The following PRICKLE1 variants were observed in gnomAD, a reference collection of about 807,000 sequenced individuals.
PRICKLE1 encodes the protein prickle-like protein 1.
A neutral mutation model predicts 70.2 loss-of-function variants in PRICKLE1; 14 were observed. That is an observed-to-expected ratio of 0.20 (90% CI 0.13 to 0.31). The LOEUF is 0.31. Among genes scored for constraint, PRICKLE1 ranks in the 10% least tolerant of loss-of-function variants. The pLI is 1.00. For missense variants in PRICKLE1, 821 were observed against 1,026.2 expected (o/e 0.80, Z 2.73); for synonymous variants, 357 against 379.9 (o/e 0.94, Z 0.70).
At chr12:42,502,645 C>T (rs1221941355) in intron 1 of PRICKLE1, among the ~76,000 whole-genome samples, 1 of 152,146 alleles carries the variant, frequency 6.6e-6, no homozygotes, top group African/African-American at 2.4e-5. Flanking sequence ...TTATTCTCTT[C>T]TCCTTTCTAC....
chr12:42,533,456 T>A (rs1451310901), intron 1 of PRICKLE1, among the ~76,000 whole-genome samples: 1 of 152,182 alleles, frequency 6.6e-6, no homozygotes, highest in African/African-American at 2.4e-5. Flanking sequence ...TGAACAAGAC[T>A]TACATTTTGA....
chr12:42,565,459 G>T (rs1248492500), intron 1 of PRICKLE1, among the ~76,000 whole-genome samples: 1 of 152,158 alleles, frequency 6.6e-6, no homozygotes, highest in Non-Finnish European at 1.5e-5. Flanking sequence ...GCCCCAAATT[G>T]GTACTTTTTC....
At chr12:42,507,707 G>C (rs1386396595) in intron 1 of PRICKLE1, among the ~76,000 whole-genome samples, 2 of 152,216 alleles carry the variant, frequency 1.3e-5, no homozygotes, top group African/African-American at 2.4e-5. Context: ...AGGCGGCAGA[G>C]CCTAAATGAT....
At chr12:42,509,648 C>T (rs1269418560) in intron 1 of PRICKLE1, among the ~76,000 whole-genome samples, 1 of 152,130 alleles carries the variant, frequency 6.6e-6, no homozygotes, top group Admixed American at 6.5e-5. Context: ...CCAGCTTGGG[C>T]AACATAGCAA....
chr12:42,493,269 T>C (rs1018345445), intron 1 of PRICKLE1, among the ~76,000 whole-genome samples: 1 of 152,170 alleles, frequency 6.6e-6, no homozygotes, highest in African/African-American at 2.4e-5. Context: ...TGACGGACAC[T>C]CCATTCTCCA....
chr12:42,563,480 A>G (rs2120715748), intron 1 of PRICKLE1, among the ~76,000 whole-genome samples: 1 of 151,722 alleles, frequency 6.6e-6, no homozygotes, highest in South Asian at 2.1e-4. Flanking sequence ...CGGGCAGACC[A>G]CGAGATCAGG....
At chr12:42,567,290 A>C (rs1370949093) in intron 1 of PRICKLE1, among the ~76,000 whole-genome samples, 1 of 152,208 alleles carries the variant, frequency 6.6e-6, no homozygotes, top group African/African-American at 2.4e-5. Context: ...AAAAGTCTAC[A>C]CTGACTCTTT....
chr12:42,471,991 G>A (rs577113455), intron 2 of PRICKLE1, among the ~76,000 whole-genome samples: 1 of 152,312 alleles, frequency 6.6e-6, no homozygotes, highest in South Asian at 2.1e-4. Flanking sequence ...GCATTGCTGA[G>A]AACTGGCATG....
chr12:42,535,986 TA>T (rs1177063022), intron 1 of PRICKLE1, among the ~76,000 whole-genome samples: 2 of 152,184 alleles, frequency 1.3e-5, no homozygotes, highest in African/African-American at 4.8e-5. Context: ...CACAGGCTGG[TA>T]CACTCACATC....
At chr12:42,566,394 A>G (rs1940621395) in intron 1 of PRICKLE1, among the ~76,000 whole-genome samples, 1 of 152,138 alleles carries the variant, frequency 6.6e-6, no homozygotes, top group Admixed American at 6.5e-5. Context: ...AGAGGGTTTG[A>G]GGATGGATGA....
intron 1 of PRICKLE1, among the ~76,000 whole-genome samples, chr12:42,510,666 A>G (rs769654557): frequency 3.9e-5 from 6 of 152,184 alleles, no homozygotes; most frequent in Non-Finnish European, 7.3e-5. Context: ...ATAACTATCA[A>G]TGAATTCCCA....
At chr12:42,571,225 T>C (rs544808170) in intron 1 of PRICKLE1, among the ~76,000 whole-genome samples, 2 of 152,246 alleles carry the variant, frequency 1.3e-5, no homozygotes, top group South Asian at 4.2e-4. Flanking sequence ...ACTTTTTTCA[T>C]GTGTTAATAT....
At chr12:42,576,539 T>A (rs575354919) in intron 1 of PRICKLE1, among the ~76,000 whole-genome samples, 1 of 152,352 alleles carries the variant, frequency 6.6e-6, no homozygotes, top group African/African-American at 2.4e-5. Flanking sequence ...GTCATTACCA[T>A]CTGATAGCGT....
At chr12:42,533,353 C>T (rs1049353525) in intron 1 of PRICKLE1, among the ~76,000 whole-genome samples, 4 of 152,034 alleles carry the variant, frequency 2.6e-5, no homozygotes, top group African/African-American at 4.8e-5. Context: ...CTCCAAGAAC[C>T]TTATCCCTGA....
At chr12:42,532,431 T>C (rs566910683) in intron 1 of PRICKLE1, among the ~76,000 whole-genome samples, 14 of 152,300 alleles carry the variant, frequency 9.2e-5, no homozygotes, top group Admixed American at 5.2e-4. Context: ...AGAAATAGAA[T>C]ATGACTGACA....
intron 1 of PRICKLE1, among the ~76,000 whole-genome samples, chr12:42,484,828 T>A (rs1479893106): frequency 1.3e-5 from 2 of 152,078 alleles, no homozygotes; most frequent in Admixed American, 1.3e-4. Context: ...AGAAAAAAAA[T>A]GATAGATTAG....
chr12:42,524,571 C>A (rs947611183), intron 1 of PRICKLE1, among the ~76,000 whole-genome samples: 6 of 152,004 alleles, frequency 3.9e-5, no homozygotes, highest in African/African-American at 1.5e-4. Flanking sequence ...GCCACCGCAC[C>A]CGGCTAATTT....
chr12:42,497,285 C>A (rs1233956003), intron 1 of PRICKLE1, among the ~76,000 whole-genome samples: 1 of 152,144 alleles, frequency 6.6e-6, no homozygotes, highest in Middle Eastern at 3.2e-3. Context: ...GTGGCTCACG[C>A]CTGTAATTCC....
Position 42,465,104 on chromosome 12 carries a change from T to C in PRICKLE1, c.930A>G (p.Glu310=). 6.4e-7 allele frequency: 1 copy of C among 1,565,396 alleles called. No homozygotes were observed. Residue 310 remains glutamate, a synonymous_variant, in exon 7 of 8, where the codon GAA becomes GAG. Transcript: ENST00000345127. ...CGGAAGAATCAGAGGCATGGACGTC[T>C]TCACCAAGACTGCACGTTTTTGAGC... The part of the protein sequence containing the change: ...IYCSKTCSLG[E]DVHASDSSDS...
Sources: gnomAD v4.1 joint callset for allele counts (sites outside exome capture counted in the v4.1 genomes callset) on GRCh38, gnomAD v4.1.1 for gene constraint, MANE v1.5 for transcripts, NCBI Gene and HGNC (gene_info 2026-07-23, HGNC 2026-07-21) for gene names.